GAS2: variants seen among roughly 807,000 people sequenced by gnomAD.
GAS2 encodes the protein growth arrest specific 2.
GAS2 carries 20 observed loss-of-function variants against 37.5 expected under a neutral mutation model. The ratio of observed to expected loss-of-function variants is 0.53; its 90% CI spans 0.37 to 0.77. GAS2 has a LOEUF of 0.77. GAS2 is among the 30% of genes least tolerant of loss of function. The pLI, the probability that GAS2 is intolerant of heterozygous loss-of-function variation, is 0.00. For synonymous variants in GAS2, 144 were observed against 132.2 expected (o/e 1.09, Z -0.61); for missense variants, 336 against 373.4 (o/e 0.90, Z 0.82).
chr11:22,737,621 G>A, intron 4 of GAS2, 84 bp from the exon 5 acceptor site: 7 of 1,250,694 alleles, frequency 5.6e-6, no homozygotes, highest in Middle Eastern at 3.8e-4. Context: ...GGAGCACGAG[G>A]AATGAGGGTC....
At chr11:22,707,603 A>C (rs566100270) in intron 3 of GAS2, among the ~76,000 whole-genome samples, 9 of 152,202 alleles carry the variant, frequency 5.9e-5, no homozygotes, top group Non-Finnish European at 1.0e-4. Flanking sequence ...GCATGTCAGC[A>C]GTGGAATTTA....
chr11:22,657,497 A>AGT (rs756826436), intron 1 of GAS2, among the ~76,000 whole-genome samples: 3 of 152,008 alleles, frequency 2.0e-5, no homozygotes, highest in Non-Finnish European at 2.9e-5. Context: ...AAGTGGTTGG[A>AGT]GTGTGGGCTT....
chr11:22,737,555 A>AT, intron 4 of GAS2, 150 bp from the exon 5 acceptor site: 1 of 684,882 alleles, frequency 1.5e-6, no homozygotes, highest in Non-Finnish European at 2.7e-6. Flanking sequence ...AGCTAGATGT[A>AT]TTGAGGTATG....
intron 2 of GAS2, 99 bp downstream of exon 2, chr11:22,675,113 G>A: frequency 8.5e-7 from 1 of 1,171,680 alleles, no homozygotes; most frequent in East Asian, 2.6e-5. Context: ...TAGCACCTTG[G>A]AAAGAAAGAC....
At chr11:22,661,269 G>T (rs554784187) in intron 1 of GAS2, among the ~76,000 whole-genome samples, 1 of 152,086 alleles carries the variant, frequency 6.6e-6, no homozygotes, top group Non-Finnish European at 1.5e-5. Context: ...GCTGAATCCC[G>T]TCTATCACCC....
rs77037267 is a variant in GAS2, at chr11:22,742,609, T to G, written c.473+4841T>G. On this transcript the variant is annotated intron_variant, in intron 5 of 7. Transcript: ENST00000454584. ...TCAAAAGCCAATATAAGCAGAGATT[T>G]GGGACTTAGTGTTGATTTTTTATGT... Among the ~76,000 whole-genome samples the G allele has an allele frequency of 2.1e-3, 313 of 152,186 alleles. 9 individuals carry two copies. In the East Asian group the frequency reaches 0.05, roughly 25 times the overall value.
rs1848669764 is a variant in GAS2, at chr11:22,644,770, C to T, written c.-21+18957C>T. ...CCAAGTATCTGGGACTATAGGCATG[C>T]ACCACCACACCTGGATAAATTTTTG... On this transcript the variant is annotated intron_variant, in intron 1 of 5. Coordinates refer to the GAS2 transcript ENST00000528582. 2.0e-5 allele frequency among the ~76,000 whole-genome samples: 3 copies of T among 152,064 alleles called. No homozygotes were observed. The South Asian group carries it at 6.2e-4, about 32-fold the overall frequency.
chr11:22,786,568 A>G (rs896238493), intron 7 of GAS2, among the ~76,000 whole-genome samples: 2 of 152,168 alleles, frequency 1.3e-5, no homozygotes, highest in Admixed American at 6.6e-5. Context: ...GTCTTGAACA[A>G]TTTGCTGAAT....
chr11:22,650,693 G>T (rs541830184), intron 1 of GAS2, among the ~76,000 whole-genome samples: 25 of 152,068 alleles, frequency 1.6e-4, no homozygotes, highest in African/African-American at 5.5e-4. Context: ...TGTCTCTTTT[G>T]ATCTTTGTTG....
At chr11:22,643,174 C>T (rs1402844770) in intron 1 of GAS2, among the ~76,000 whole-genome samples, 1 of 152,048 alleles carries the variant, frequency 6.6e-6, no homozygotes, top group Admixed American at 6.6e-5. Context: ...GCTTTAAAGG[C>T]AGATAGACTT....
intron 5 of GAS2, 145 bp from the exon 6 acceptor site, chr11:22,748,975 C>T: frequency 1.3e-6 from 1 of 791,550 alleles, no homozygotes; most frequent in Non-Finnish European, 2.0e-6. Context: ...AATTCAAGAG[C>T]TTACAATTTC....
intron 3 of GAS2, among the ~76,000 whole-genome samples, chr11:22,710,201 CA>C (rs1002967666): frequency 5.3e-5 from 8 of 151,296 alleles, no homozygotes; most frequent in African/African-American, 1.7e-4. Flanking sequence ...AACAAACAAA[CA>C]AAAACAACTT....
chr11:22,674,657 T>C (rs2127498), intron 1 of GAS2, 193 bp from the exon 2 acceptor site: 9,940 of 361,638 alleles, frequency 0.027, 190 homozygotes, highest in Admixed American at 0.058. Context: ...TGCTGCTGTT[T>C]TCCTACTAAG....
chr11:22,674,960 G>A lies in GAS2; in HGVS notation c.91G>A (p.Ala31Thr), dbSNP rs201780635. ...YSQWLASRHE[A>T]NLLPMKEDLA... ...CCAATGGCTAGCCAGCAGACATGAA[G>A]CTAATTTGCTACCAATGAAAGAAGA... The change falls in exon 2 of 8, where the codon GCT becomes ACT. Residue 31 changes from alanine to threonine, a missense_variant. Transcript: ENST00000454584. 4.0e-5 allele frequency: 65 copies of A among 1,613,824 alleles called. No individual in the cohort carries two copies. The highest frequency in any genetic ancestry group is 5.2e-5 in the Non-Finnish European group (61 of 1,179,900).
intron 7 of GAS2, among the ~76,000 whole-genome samples, chr11:22,763,233 A>C (rs1031225808): frequency 6.6e-6 from 1 of 152,186 alleles, no homozygotes; most frequent in Non-Finnish European, 1.5e-5. Flanking sequence ...TAGCATAAAA[A>C]TTCTTCAGGA....
chr11:22,751,105 A>G (rs1313621063), intron 6 of GAS2, among the ~76,000 whole-genome samples: 1 of 152,000 alleles, frequency 6.6e-6, no homozygotes, highest in Non-Finnish European at 1.5e-5. Flanking sequence ...AGGGTGCTCT[A>G]TAACATTTGG....
At position 22,749,277 on chromosome 11, in the gene GAS2, C is replaced by T. The variant is rs778592384; in HGVS notation, c.615+16C>T. On this transcript the variant is annotated intron_variant, in intron 6 of 7. Transcript: ENST00000454584. ...GGATGATGCAGTAAGTAAAATCAGT[C>T]AGACTTCTTACCAACGGTTAGTCTT... The T allele has an allele frequency of 1.9e-6, 3 of 1,607,058 alleles. No homozygotes were observed. The highest frequency in any genetic ancestry group is 2.5e-6 in the Non-Finnish European group (3 of 1,176,544).
chr11:22,713,043 A>G (rs381531), intron 3 of GAS2, among the ~76,000 whole-genome samples: 130,188 of 147,662 alleles, frequency 0.88, 59,608 homozygotes, highest in East Asian at 1. Context: ...TGCCAGCCTG[A>G]TCAGCAGGGT....
chr11:22,731,384 C>T, intron 4 of GAS2: 1 of 446,294 alleles, frequency 2.2e-6, no homozygotes, highest in South Asian at 1.6e-5. Context: ...AGAATCTACT[C>T]AACAAGAAAA....
Sources: allele counts gnomAD v4.1 joint callset (sites outside exome capture counted in the v4.1 genomes callset), GRCh38; gene constraint gnomAD v4.1.1; transcripts MANE v1.5; gene names NCBI Gene and HGNC (gene_info 2026-07-23, HGNC 2026-07-21).